NECTIN1: variants seen among roughly 807,000 people sequenced by gnomAD.
NECTIN1 encodes the protein nectin cell adhesion molecule 1, also known as nectin-1.
A neutral mutation model predicts 48.0 loss-of-function variants in NECTIN1; 23 were observed. The observed-to-expected ratio is 0.48, with a 90% CI of 0.34 to 0.68. The LOEUF (loss-of-function observed/expected upper bound fraction) is 0.68, where lower values mean the gene tolerates loss of function less well. Among genes scored for constraint, NECTIN1 ranks in the 30% least tolerant of loss-of-function variants. The pLI is 0.01. For missense variants in NECTIN1, 591 were observed against 709.9 expected (o/e 0.83, Z 1.90); for synonymous variants, 270 against 288.9 (o/e 0.93, Z 0.66).
At chr11:119,721,478 T>C (rs778886381) in intron 1 of NECTIN1, among the ~76,000 whole-genome samples, 3 of 152,230 alleles carry the variant, frequency 2.0e-5, no homozygotes, top group Non-Finnish European at 4.4e-5. Flanking sequence ...TGTGTCCCTG[T>C]GGAGCCACCA....
chr11:119,683,881 C>A lies in NECTIN1; in HGVS notation c.80-5116G>T, dbSNP rs934575868. Among the ~76,000 whole-genome samples, 1 of 152,230 alleles carries A rather than the reference C, an allele frequency of 6.6e-6. No homozygotes were observed. Among genetic ancestry groups the A allele is most frequent in the Admixed American group, 6.5e-5 (1 of 15,308 alleles). On this transcript the variant is annotated intron_variant, in intron 1 of 5. Transcript: ENST00000264025. The surrounding 1 kb of genome is among the most constrained non-coding windows in gnomAD (Gnocchi z 4.0). ...CCACTAGATCTCAGGTTGGGCAGTT[C>A]AGGCTGCCTCACTTCCCAGAAGTGC...
At chr11:119,702,999 T>C (rs1237707694) in intron 1 of NECTIN1, among the ~76,000 whole-genome samples, 3 of 152,218 alleles carry the variant, frequency 2.0e-5, no homozygotes, top group Non-Finnish European at 2.9e-5. Flanking sequence ...GCTCAGGCCT[T>C]TGCCACACTT....
intron 5 of NECTIN1, among the ~76,000 whole-genome samples, chr11:119,667,103 C>T (rs1171802865): frequency 1.5e-4 from 23 of 152,250 alleles, no homozygotes; most frequent in South Asian, 1.2e-3. Flanking sequence ...TTGTCCTGAC[C>T]GCCTGTCTCC....
chr11:119,701,248 T>A (rs757091888), intron 1 of NECTIN1, among the ~76,000 whole-genome samples: 20 of 152,210 alleles, frequency 1.3e-4, no homozygotes, highest in Non-Finnish European at 2.6e-4. Context: ...AGTGACCTCA[T>A]GAGTATGAAA....
At chr11:119,687,601 G>A (rs1865180987) in intron 1 of NECTIN1, among the ~76,000 whole-genome samples, 2 of 152,244 alleles carry the variant, frequency 1.3e-5, no homozygotes, top group South Asian at 2.1e-4. Context: ...ATTTTGGGGA[G>A]TGTAGGCAGC....
downstream of NECTIN1, among the ~76,000 whole-genome samples, chr11:119,659,570 G>A (rs1267825658): frequency 6.6e-6 from 1 of 152,186 alleles, no homozygotes; most frequent in South Asian, 2.1e-4. Context: ...AGGCCCAACT[G>A]GACTAGAAGA....
chr11:119,665,068 T>C lies in NECTIN1; in HGVS notation c.1233A>G (p.Pro411=), dbSNP rs1864738913. The C allele has an allele frequency of 6.2e-7, 1 of 1,613,958 alleles. No homozygotes were observed. Among genetic ancestry groups the C allele is most frequent in the Middle Eastern group, 1.6e-4 (1 of 6,062 alleles). The change falls in exon 6 of 6, where the codon CCA becomes CCG. Residue 411 remains proline (P), a synonymous_variant. Transcript: ENST00000264025. The surrounding 1 kb of genome is among the most constrained non-coding windows in gnomAD (Gnocchi z 5.1). The stretch of plus-strand genomic sequence containing the variant: ...CGGGGTACTGCAGGTTCTGTGCCAT[T>C]GGTGGGTGGTGCTGGGGGATGCCTG... ...SKAGIPQHHP[P]MAQNLQYPDD...
intron 1 of NECTIN1, among the ~76,000 whole-genome samples, chr11:119,689,243 G>T (rs1865211401): frequency 6.6e-6 from 1 of 152,208 alleles, no homozygotes; most frequent in Non-Finnish European, 1.5e-5. Context: ...CCCTGGGCCT[G>T]GTTCTCCTGG....
chr11:119,696,058 A>C (rs1187070643), intron 1 of NECTIN1, among the ~76,000 whole-genome samples: 1 of 152,252 alleles, frequency 6.6e-6, no homozygotes, highest in Non-Finnish European at 1.5e-5. Context: ...GCAACAAGGC[A>C]CAGCCTTACA....
chr11:119,726,946 C>G lies in NECTIN1; in HGVS notation c.79+1529G>C, dbSNP rs888052467. On this transcript the variant is annotated intron_variant, in intron 1 of 5. Transcript: ENST00000264025. ...CAGGCCATCCAGTGTGAGAAGACCT[C>G]TCACTCTCACCAAGACCACCCTCTG... 3.0e-4 allele frequency among the ~76,000 whole-genome samples: 46 copies of G among 152,140 alleles called. 1 individual carries two copies. The highest frequency in any genetic ancestry group is 7.3e-5 in the Non-Finnish European group (5 of 68,030).
intron 1 of NECTIN1, among the ~76,000 whole-genome samples, chr11:119,711,202 T>A (rs1394091334): frequency 6.6e-6 from 1 of 151,916 alleles, no homozygotes; most frequent in Non-Finnish European, 1.5e-5. Flanking sequence ...CCAGCCTGAC[T>A]AACATGGTGA....
intron 1 of NECTIN1, among the ~76,000 whole-genome samples, chr11:119,698,230 C>T (rs1865375191): frequency 6.6e-6 from 1 of 152,244 alleles, no homozygotes; most frequent in South Asian, 2.1e-4. Context: ...GAGGTCATAC[C>T]CCACCAGAGT....
chr11:119,646,712 G>T (rs1378917242), intron 5 of NECTIN1, among the ~76,000 whole-genome samples: 1 of 152,110 alleles, frequency 6.6e-6, no homozygotes, highest in Non-Finnish European at 1.5e-5. Flanking sequence ...CAGTGCCTGG[G>T]GCCATTTTCA....
intron 1 of NECTIN1, among the ~76,000 whole-genome samples, chr11:119,714,123 A>T (rs1865707713): frequency 6.6e-6 from 1 of 152,128 alleles, no homozygotes; most frequent in South Asian, 2.1e-4. Context: ...AGTCCCACCA[A>T]AGAAGCAAAG....
At position 119,675,198 on chromosome 11, in the gene NECTIN1, T is replaced by G. The variant is rs1363267011; in HGVS notation, c.964A>C (p.Ile322Leu). 2.5e-6 allele frequency: 4 copies of G among 1,614,168 alleles called. No individual in the cohort carries two copies. Among genetic ancestry groups the G allele is most frequent in the Middle Eastern group, 1.6e-4 (1 of 6,062 alleles). Residue 322 changes from isoleucine to leucine, a missense_variant, in exon 5 of 6, where the codon ATC becomes CTC. Coordinates refer to ENST00000264025, the MANE Select transcript of NECTIN1 (RefSeq NM_002855.5). ...GTYICEATNPIGTRSGQVEVN... is the reference protein window; with the variant it reads ...GTYICEATNPLGTRSGQVEVN... ...TCCACCTGGCCTGAGCGTGTACCGA[T>G]GGGGTTGGTGGCCTCACAGATGTAG...
rs773473250 is a variant in NECTIN1, at chr11:119,638,778, C to A, written c.1180G>T (p.Glu394Ter). 6.2e-7 allele frequency: 1 copy of A among 1,613,970 alleles called. No individual in the cohort carries two copies. Among genetic ancestry groups the A allele is most frequent in the South Asian group, 1.1e-5 (1 of 91,030 alleles). ...GAGCTTTGCCTGCTGGGAGAAGGCT[C>A]CGGCTTCTGGGAGAGGGGCTGGTCG... Residue 394 changes from glutamate to a stop codon, truncating the protein, a stop_gained, in exon 7 of 8, where the codon GAG becomes TAG. Coordinates refer to the NECTIN1 transcript ENST00000341398. LOFTEE classifies it low-confidence loss of function (END_TRUNC).
intron 5 of NECTIN1, among the ~76,000 whole-genome samples, chr11:119,654,828 G>C (rs571270275): frequency 9.6e-4 from 145 of 151,830 alleles, no homozygotes; most frequent in African/African-American, 3.4e-3. Flanking sequence ...CTTGGCCTCC[G>C]AAAGTGCTGG....
chr11:119,679,411 C>G (rs1008669697), intron 1 of NECTIN1, among the ~76,000 whole-genome samples: 2 of 152,206 alleles, frequency 1.3e-5, no homozygotes, highest in African/African-American at 4.8e-5. Flanking sequence ...GCTGAGTCCC[C>G]ATCCCCTGGG....
intron 1 of NECTIN1, among the ~76,000 whole-genome samples, chr11:119,686,606 C>T (rs1219349449): frequency 6.6e-6 from 1 of 152,218 alleles, no homozygotes; most frequent in Non-Finnish European, 1.5e-5. Flanking sequence ...CAACCTCCAG[C>T]CACTTCCTCT....
Sources: gnomAD v4.1 joint callset for allele counts (sites outside exome capture counted in the v4.1 genomes callset) on GRCh38, gnomAD v4.1.1 for gene constraint, Gnocchi (gnomAD v3.1) non-coding constraint, MANE v1.5 for transcripts, NCBI Gene and HGNC (gene_info 2026-07-23, HGNC 2026-07-21) for gene names.